PROS1: variants seen among roughly 807,000 people sequenced by gnomAD.
The protein encoded by PROS1 is vitamin K-dependent protein S.
In PROS1, 29 loss-of-function variants were observed where a neutral mutation model predicts 75.9. The observed-to-expected ratio is 0.38, with a 90% CI of 0.28 to 0.52. The LOEUF is 0.52. Ranked by LOEUF, PROS1 falls within the 20% of genes least tolerant of loss-of-function variation. PROS1 has a pLI of 0.83. For synonymous variants in PROS1, 245 were observed against 280.6 expected (o/e 0.87, Z 1.27); for missense variants, 680 against 810.3 (o/e 0.84, Z 1.95).
At chr3:93,927,966 T>C (rs1465455002) in intron 1 of PROS1, among the ~76,000 whole-genome samples, 1 of 132,088 alleles carries the variant, frequency 7.6e-6, no homozygotes, top group Non-Finnish European at 1.6e-5. Flanking sequence ...TGTATATATA[T>C]ATGTGTGTAT....
intron 1 of PROS1, among the ~76,000 whole-genome samples, chr3:93,940,750 A>G (rs1281554550): frequency 2.6e-5 from 4 of 152,118 alleles, no homozygotes; most frequent in African/African-American, 9.7e-5. Flanking sequence ...CAACACCAGT[A>G]TCCTATCCCA....
intron 1 of PROS1, among the ~76,000 whole-genome samples, chr3:93,953,830 C>G (rs1460191078): frequency 1.3e-5 from 2 of 152,014 alleles, no homozygotes; most frequent in Non-Finnish European, 2.9e-5. Flanking sequence ...AGAAAACTCC[C>G]TCGTCTCAGC....
intron 12 of PROS1, among the ~76,000 whole-genome samples, chr3:93,881,808 C>T (rs1420115858): frequency 1.3e-5 from 2 of 152,098 alleles, no homozygotes; most frequent in Admixed American, 1.3e-4. Context: ...TCTTTGGGAT[C>T]TGCCCGCCTC....
At chr3:93,937,407 G>T in intron 1 of PROS1, among the ~76,000 whole-genome samples, 1 of 145,750 alleles carries the variant, frequency 6.9e-6, no homozygotes, top group Middle Eastern at 3.4e-3. Flanking sequence ...TCACTCTGTC[G>T]CCCAGGCTGG....
intron 10 of PROS1, among the ~76,000 whole-genome samples, chr3:93,887,484 A>G (rs1409338809): frequency 6.6e-6 from 1 of 152,200 alleles, no homozygotes; most frequent in Non-Finnish European, 1.5e-5. Flanking sequence ...ATAGCACTCA[A>G]AGAGCAAACT....
intron 1 of PROS1, among the ~76,000 whole-genome samples, chr3:93,963,046 T>C (rs566892073): frequency 5.9e-5 from 9 of 152,332 alleles, no homozygotes; most frequent in South Asian, 2.1e-4. Flanking sequence ...TCAGATCCAA[T>C]TGTGCTCAAA....
At chr3:93,881,636 T>C (rs773885438) in intron 12 of PROS1, among the ~76,000 whole-genome samples, 2 of 150,510 alleles carry the variant, frequency 1.3e-5, no homozygotes, top group African/African-American at 2.4e-5. Flanking sequence ...CCTGGCTCTC[T>C]GCTGTGTCAA....
At chr3:93,953,167 T>C (rs1709534913) in intron 1 of PROS1, among the ~76,000 whole-genome samples, 1 of 152,152 alleles carries the variant, frequency 6.6e-6, no homozygotes, top group Admixed American at 6.5e-5. Flanking sequence ...GTTGTTACCA[T>C]TCCTTCTGGA....
intron 1 of PROS1, among the ~76,000 whole-genome samples, chr3:93,949,200 A>T (rs1040796774): frequency 2.0e-5 from 3 of 152,230 alleles, no homozygotes; most frequent in African/African-American, 7.2e-5. Context: ...AGCAGACAAT[A>T]TTAGGCAGTG....
At chr3:93,911,307 A>C (rs1229906898) in intron 3 of PROS1, 1 of 153,396 alleles carries the variant, frequency 6.5e-6, no homozygotes, top group African/African-American at 2.4e-5. Flanking sequence ...AACAGCTGGA[A>C]TTGTAAAGAT....
chr3:93,921,906 A>T (rs527374287), intron 3 of PROS1, among the ~76,000 whole-genome samples: 4 of 151,790 alleles, frequency 2.6e-5, no homozygotes, highest in African/African-American at 7.3e-5. Context: ...TGTTTTTGTT[A>T]TTTTAAAACT....
chr3:93,930,003 T>C (rs1005559967), intron 1 of PROS1, among the ~76,000 whole-genome samples: 1 of 152,132 alleles, frequency 6.6e-6, no homozygotes, highest in Admixed American at 6.5e-5. Flanking sequence ...GCAAAAAGAT[T>C]TATCAACAGT....
intron 2 of PROS1, among the ~76,000 whole-genome samples, chr3:93,926,725 G>GCA (rs375272831): frequency 1.8e-4 from 27 of 152,014 alleles, no homozygotes; most frequent in African/African-American, 5.5e-4. Flanking sequence ...GCGCGCACAC[G>GCA]CACACACACA....
intron 3 of PROS1, among the ~76,000 whole-genome samples, 177 bp downstream of exon 3, chr3:93,924,063 C>A (rs1324010523): frequency 1.3e-5 from 2 of 152,122 alleles, no homozygotes; most frequent in African/African-American, 4.8e-5. Context: ...AGAACCGTTC[C>A]AAATTTCTCA....
chr3:93,874,507 A>T, intron 14 of PROS1, 102 bp from the exon 15 acceptor site: 1 of 1,470,928 alleles, frequency 6.8e-7, no homozygotes. Flanking sequence ...ACCAAATTCT[A>T]ATCCTAAAGG....
intron 1 of PROS1, among the ~76,000 whole-genome samples, chr3:93,927,640 A>G (rs1055758673): frequency 4.0e-5 from 6 of 151,816 alleles, no homozygotes; most frequent in African/African-American, 1.5e-4. Context: ...CAAATTATTC[A>G]GGTTTATACT....
At chr3:93,909,506 A>T (rs937293805) in intron 4 of PROS1, among the ~76,000 whole-genome samples, 5 of 151,570 alleles carry the variant, frequency 3.3e-5, no homozygotes, top group African/African-American at 1.2e-4. Flanking sequence ...TTCCTAAAAT[A>T]TCGAAGCACT....
chr3:93,957,055 AT>A lies in PROS1; in HGVS notation c.76+16618del, dbSNP rs530958567. On this transcript the variant is annotated intron_variant, in intron 1 of 14. Coordinates refer to ENST00000394236, the MANE Select transcript of PROS1 (RefSeq NM_000313.4). ...TATATATGAATATGTTCATTACAAT[AT>A]AATTGATATAAGCAAAACATTGGAA... 1.3e-3 allele frequency among the ~76,000 whole-genome samples: 201 copies of A among 152,294 alleles called. 1 individual carries two copies. The highest frequency in any genetic ancestry group is 4.4e-3 in the African/African-American group (183 of 41,576).
chr3:93,929,653 A>C (rs1184148608), intron 1 of PROS1, among the ~76,000 whole-genome samples: 1 of 152,252 alleles, frequency 6.6e-6, no homozygotes, highest in Non-Finnish European at 1.5e-5. Flanking sequence ...AATCAGCTAA[A>C]GTAGTATATA....
Sources: allele counts gnomAD v4.1 joint callset (sites outside exome capture counted in the v4.1 genomes callset), GRCh38; gene constraint gnomAD v4.1.1; transcripts MANE v1.5; gene names NCBI Gene and HGNC (gene_info 2026-07-23, HGNC 2026-07-21).